SCAMP4: variants seen among roughly 807,000 people sequenced by gnomAD.
The protein encoded by SCAMP4 is secretory carrier-associated membrane protein 4.
A neutral mutation model predicts 32.1 loss-of-function variants in SCAMP4; 19 were observed. The ratio of observed to expected loss-of-function variants is 0.59; its 90% CI spans 0.41 to 0.87. The LOEUF is 0.87. Ranked by LOEUF, SCAMP4 falls within the 40% of genes least tolerant of loss-of-function variation. The probability of loss-of-function intolerance (pLI) is 0.00; values close to 1 mark genes in which losing one functional copy is unlikely to be tolerated. For synonymous variants in SCAMP4, 152 were observed against 132.7 expected (o/e 1.15, Z -1.00); for missense variants, 302 against 309.0 (o/e 0.98, Z 0.17).
At chr19:1,907,840 T>TAA (rs2013216134) in intron 1 of SCAMP4, among the ~76,000 whole-genome samples, 2 of 151,744 alleles carry the variant, frequency 1.3e-5, no homozygotes, top group African/African-American at 4.8e-5. Flanking sequence ...GCTGTGGGAG[T>TAA]GAGTCGTCCC....
intron 5 of SCAMP4, chr19:1,920,574 A>T (rs899728136): frequency 4.1e-6 from 4 of 983,646 alleles, no homozygotes; most frequent in Non-Finnish European, 3.6e-6. Context: ...CAGGGATCTG[A>T]GTTAGAGTCA....
intron 1 of SCAMP4, among the ~76,000 whole-genome samples, chr19:1,910,780 T>C (rs764396224): frequency 1.3e-5 from 2 of 151,726 alleles, no homozygotes; most frequent in African/African-American, 2.4e-5. Flanking sequence ...TTTCACCATG[T>C]TGGTCAGGCT....
chr19:1,923,913 CCG>C (rs2014008469), intron 6 of SCAMP4, among the ~76,000 whole-genome samples, 193 bp from the exon 7 acceptor site: 2 of 98,464 alleles, frequency 2.0e-5, no homozygotes, highest in South Asian at 7.3e-4. Context: ...GCGTGAGCCA[CCG>C]TGCCCGGCCT....
intron 1 of SCAMP4, among the ~76,000 whole-genome samples, chr19:1,907,392 A>T (rs1272896590): frequency 2.7e-5 from 2 of 74,610 alleles, no homozygotes; most frequent in South Asian, 4.4e-4. Flanking sequence ...GCCCTGCCTT[A>T]AAAAAAAAAA....
At chr19:1,911,508 G>A (rs1386088845) in intron 1 of SCAMP4, among the ~76,000 whole-genome samples, 1 of 152,204 alleles carries the variant, frequency 6.6e-6, no homozygotes, top group Non-Finnish European at 1.5e-5. Context: ...TGTCTTGGCT[G>A]GGCGCAGTGA....
In SCAMP4 at chr19:1,924,431, C is replaced by A; in HGVS notation, c.*147C>A. 1 of 657,580 alleles carries A rather than the reference C, an allele frequency of 1.5e-6. No homozygotes were observed. Among genetic ancestry groups the A allele is most frequent in the Non-Finnish European group, 2.6e-6 (1 of 379,730 alleles). 40.7% of individuals were successfully genotyped at this position (657,580 alleles called of 1,614,324 possible). On this transcript the variant is annotated 3_prime_UTR_variant, in exon 7 of 7. Coordinates refer to ENST00000316097, the MANE Select transcript of SCAMP4 (RefSeq NM_079834.4). ...GTGGTGGCCACGGACCGCCCCCCTCCTGCCAGGGCCACAGAACCCGTGTTC... is the reference window on the plus strand; with the variant it reads ...GTGGTGGCCACGGACCGCCCCCCTCATGCCAGGGCCACAGAACCCGTGTTC...
At chr19:1,918,718 C>G in intron 4 of SCAMP4, 171 bp from the exon 5 acceptor site, 2 of 1,049,084 alleles carry the variant, frequency 1.9e-6, no homozygotes, top group Non-Finnish European at 2.6e-6. Flanking sequence ...GCCGAGATCT[C>G]GACACTGCTC....
At chr19:1,914,832 C>T (rs567407122) in intron 1 of SCAMP4, 147 bp from the exon 2 acceptor site, 12 of 658,002 alleles carry the variant, frequency 1.8e-5, no homozygotes, top group East Asian at 8.2e-5. Flanking sequence ...CACATTGGGT[C>T]GAGTCAGGCC....
chr19:1,923,682 G>A (rs373869796), intron 6 of SCAMP4, among the ~76,000 whole-genome samples: 11 of 141,988 alleles, frequency 7.7e-5, no homozygotes, highest in South Asian at 2.2e-4. Flanking sequence ...GTAGTGGTGC[G>A]ATCTCTGCTC....
Position 1,924,742 on chromosome 19 carries a change from C to G in SCAMP4, c.*458C>G, listed in dbSNP as rs947638840. On this transcript the variant is annotated 3_prime_UTR_variant, in exon 7 of 7. Coordinates refer to ENST00000316097, the MANE Select transcript of SCAMP4 (RefSeq NM_079834.4). ...CCGTCACCATGGCAGATGCCCTTGGCCGGAACTAATAAGAGGCGTCGGGGC... is the reference window on the plus strand; with the variant it reads ...CCGTCACCATGGCAGATGCCCTTGGGCGGAACTAATAAGAGGCGTCGGGGC... 1 of 203,446 alleles carries G rather than the reference C, an allele frequency of 4.9e-6. No individual in the cohort carries two copies. The highest frequency in any genetic ancestry group is 2.3e-5 in the African/African-American group (1 of 44,392). 12.6% of individuals were successfully genotyped at this position (203,446 alleles called of 1,614,324 possible).
chr19:1,912,397 CG>C (rs2013511081), intron 1 of SCAMP4: 1 of 1,515,736 alleles, frequency 6.6e-7, no homozygotes, highest in African/African-American at 1.4e-5. Flanking sequence ...GGGCCGGCCT[CG>C]GGCCCGCGCT....
chr19:1,916,606 G>A (rs1237018575), intron 2 of SCAMP4, among the ~76,000 whole-genome samples: 1 of 151,990 alleles, frequency 6.6e-6, no homozygotes, highest in African/African-American at 2.4e-5. Context: ...CCACAGGCAC[G>A]CACCACCACG....
chr19:1,905,452 C>A lies in SCAMP4; in HGVS notation c.-42+13C>A. 2.2e-6 allele frequency: 1 copy of A among 459,342 alleles called. No homozygotes were observed. The highest frequency in any genetic ancestry group is 4.5e-6 in the Non-Finnish European group (1 of 221,438). The allele number at this position is 459,342 out of a possible 1,614,324, so 28.5% of individuals were successfully genotyped here. A position where few individuals can be genotyped will look rare whatever the true frequency, so the allele number is the denominator to read the frequency against. On this transcript the variant is annotated intron_variant, in intron 1 of 6. Transcript: ENST00000316097. ...CCGGATCCCTCAGGTAAGCGCGCGG[C>A]CCCGAGGTCTCGGGTTCTCCAGGCT...
intron 5 of SCAMP4, 155 bp downstream of exon 5, chr19:1,919,145 G>C (rs988790341): frequency 2.5e-5 from 36 of 1,452,278 alleles, no homozygotes; most frequent in Non-Finnish European, 3.1e-5. Context: ...CAGCGCCCGC[G>C]TCCTCGCCAG....
At position 1,925,802 on chromosome 19, in the gene SCAMP4, A is replaced by G. The variant is rs2014079787; in HGVS notation, c.*1518A>G. ...TGGAGCACCCATGGGTCTCACGGCC[A>G]TGCTTCAGGGTCTTCAGGTCCTGCC... On this transcript the variant is annotated 3_prime_UTR_variant, in exon 7 of 7. Coordinates refer to ENST00000316097, the MANE Select transcript of SCAMP4 (RefSeq NM_079834.4). The G allele has an allele frequency of 6.6e-6, 1 of 152,572 alleles. No homozygotes were observed. The highest frequency in any genetic ancestry group is 6.6e-5 in the Admixed American group (1 of 15,254). 9.5% of individuals were successfully genotyped at this position (152,572 alleles called of 1,614,324 possible).
intron 1 of SCAMP4, among the ~76,000 whole-genome samples, chr19:1,909,308 A>G (rs1470875832): frequency 2.0e-5 from 3 of 152,160 alleles, no homozygotes; most frequent in African/African-American, 7.2e-5. Context: ...CAGTCCCTGC[A>G]GGCTGGCTGT....
chr19:1,914,665 G>C, intron 1 of SCAMP4: 1 of 437,368 alleles, frequency 2.3e-6, no homozygotes, highest in Non-Finnish European at 4.2e-6. Flanking sequence ...CCCCTTGTGG[G>C]CTGAAGCCGG....
rs1319907275 is a variant in SCAMP4, at chr19:1,912,576, G to A, written c.-41-2403G>A. On this transcript the variant is annotated intron_variant, in intron 1 of 6. Transcript: ENST00000316097. ...GGACAAGCAGGTGACCAGCGCCCTG[G>A]CTGGGCGGCTCTTCTCCACGCAGGA... The A allele has an allele frequency of 1.3e-6, 2 of 1,496,700 alleles. No homozygotes were observed. The highest frequency in any genetic ancestry group is 1.8e-6 in the Non-Finnish European group (2 of 1,129,868). The allele number at this position is 1,496,700 out of a possible 1,614,324, so 92.7% of individuals were successfully genotyped here. A position where few individuals can be genotyped will look rare whatever the true frequency, so the allele number is the denominator to read the frequency against.
intron 1 of SCAMP4, chr19:1,913,284 C>A: frequency 7.6e-7 from 1 of 1,316,486 alleles, no homozygotes; most frequent in Non-Finnish European, 1.0e-6. Context: ...CAGCGGGGAG[C>A]ACGGGTGCTG....
Sources: gnomAD v4.1 joint callset for allele counts (sites outside exome capture counted in the v4.1 genomes callset) on GRCh38, gnomAD v4.1.1 for gene constraint, MANE v1.5 for transcripts, NCBI Gene and HGNC (gene_info 2026-07-23, HGNC 2026-07-21) for gene names.